The following MYH13 variants were observed in gnomAD, a reference collection of about 807,000 sequenced individuals.
MYH13 encodes the protein myosin heavy chain 13, also known as myosin-13.
MYH13 carries 177 observed loss-of-function variants against 232.1 expected under a neutral mutation model. The observed-to-expected ratio is 0.76, with a 90% CI of 0.67 to 0.86. MYH13 has a LOEUF of 0.86. Among genes scored for constraint, MYH13 ranks in the 40% least tolerant of loss-of-function variants. MYH13 has a pLI of 0.00. For synonymous variants in MYH13, 884 were observed against 923.5 expected, an observed-to-expected ratio of 0.96 and a Z score of 0.78; for missense variants, 2,246 against 2,405.9, an observed-to-expected ratio of 0.93 and a Z score of 1.39.
intron 23 of MYH13, among the ~76,000 whole-genome samples, 167 bp downstream of exon 23, chr17:10,323,855 C>G (rs983599779): frequency 6.1e-5 from 9 of 147,378 alleles, no homozygotes; most frequent in Non-Finnish European, 1.0e-4. Context: ...GAAAAGACAC[C>G]AGAGGACAGA....
Position 10,322,101 on chromosome 17 carries a change from AGAAAATTCACGCCGGGCGCGGT to A in MYH13, c.2935-415_2935-394del, listed in dbSNP as rs1164256055. On this transcript the variant is annotated intron_variant, in intron 23 of 40. Transcript: ENST00000252172. ...GAGGAGAGGCGTGAGGTCCTACGCA[AGAAAATTCACGCCGGGCGCGGT>A]GGCTCACGCCTGTAATCCCAGCACT... Among the ~76,000 whole-genome samples, 15 of 152,306 alleles carry A rather than the reference AGAAAATTCACGCCGGGCGCGGT, an allele frequency of 9.8e-5. No homozygotes were observed. In the East Asian group the frequency reaches 2.9e-3, roughly 29 times the overall value.
chr17:10,330,541 G>A lies in MYH13; in HGVS notation c.2299-18C>T, dbSNP rs1299796546. ...AAAAACACCTGCATTAAAAGACAGA[G>A]GAGCCTTGATCTTTTTCCCCAGCAG... On this transcript the variant is annotated intron_variant, in intron 20 of 40. Transcript: ENST00000252172. The A allele has an allele frequency of 6.3e-7, 1 of 1,594,528 alleles. No individual in the cohort carries two copies. The highest frequency in any genetic ancestry group is 2.3e-5 in the East Asian group (1 of 44,076).
rs922990917 is a variant in MYH13, at chr17:10,306,383, C to T, written c.5466+76G>A. On this transcript the variant is annotated intron_variant, in intron 37 of 40. Transcript: ENST00000252172. The surrounding 1 kb of genome is among the most constrained non-coding windows in gnomAD (Gnocchi z 4.3). ...ATCTATTCATTCAGTGGCCTTTTCC[C>T]ACCATCTCAGTTTCTGGACTGTGGT... 1.9e-6 allele frequency: 3 copies of T among 1,587,662 alleles called. No homozygotes were observed. The South Asian group carries it at 3.4e-5, about 18-fold the overall frequency.
chr17:10,319,738 A>G (rs1021335128), intron 26 of MYH13, among the ~76,000 whole-genome samples: 7 of 152,210 alleles, frequency 4.6e-5, no homozygotes, highest in African/African-American at 1.7e-4. Flanking sequence ...TGATATGCTA[A>G]GAATATGAAG....
At chr17:10,316,075 GC>G in intron 27 of MYH13, 50 bp from the exon 28 acceptor site, 1 of 1,599,838 alleles carries the variant, frequency 6.3e-7, no homozygotes. Context: ...GATTCCTAGT[GC>G]CCAGCATTGA....
In MYH13 at chr17:10,301,573, C is replaced by T. The variant is rs975296784; in HGVS notation, c.5798G>A (p.Ser1933Asn). ...KLRAKSRDVG[S>N]QKMEE Reference sequence around the variant, plus strand: ...ATCTCAGGTACCTGCTCTTACCTGGCTGCCCACGTCTCGGCTCTTGGCCCT... The same window carrying T: ...ATCTCAGGTACCTGCTCTTACCTGGTTGCCCACGTCTCGGCTCTTGGCCCT... Residue 1933 changes from serine to asparagine, a missense_variant, in exon 40 of 41, where the codon AGC (serine) becomes AAC (asparagine). Coordinates refer to ENST00000252172, the MANE Select transcript of MYH13 (RefSeq NM_003802.3). 11 of 1,614,050 alleles carry T rather than the reference C, an allele frequency of 6.8e-6. No individual in the cohort carries two copies. The Admixed American group carries it at 1.7e-4, about 24-fold the overall frequency.
At chr17:10,341,001 T>A (rs2071615666) in intron 16 of MYH13, 1 of 144,842 alleles carries the variant, frequency 6.9e-6, no homozygotes, top group Admixed American at 7.2e-5. Context: ...GATGTCCCTC[T>A]TAATGTTTGT....
chr17:10,309,643 G>T lies in MYH13; in HGVS notation c.4844C>A (p.Ala1615Asp). 6.2e-7 allele frequency: 1 copy of T among 1,612,182 alleles called. No individual in the cohort carries two copies. Among genetic ancestry groups the T allele is most frequent in the Non-Finnish European group, 8.5e-7 (1 of 1,179,178 alleles). ...LDAEIRSRNDALRLKKKMEGD... is the reference protein window; with the variant it reads ...LDAEIRSRNDDLRLKKKMEGD... ...CTCCATCTTCTTCTTTAGCCTCAGG[G>T]CGTCGTTCCGGCTGCGGATTTCAGC... Residue 1615 changes from alanine (A) to aspartate (D), a missense_variant, in exon 34 of 41, where the codon GCC (alanine) becomes GAC (aspartate). Coordinates refer to ENST00000252172, the MANE Select transcript of MYH13 (RefSeq NM_003802.3).
intron 33 of MYH13, 114 bp downstream of exon 33, chr17:10,310,989 C>T: frequency 7.4e-7 from 1 of 1,356,284 alleles, no homozygotes; most frequent in Non-Finnish European, 1.0e-6. Flanking sequence ...GAATGTTACT[C>T]CCAATGGAGA....
At chr17:10,315,297 C>G (rs1022190197) in intron 29 of MYH13, among the ~76,000 whole-genome samples, 21 of 152,036 alleles carry the variant, frequency 1.4e-4, no homozygotes, top group African/African-American at 4.6e-4. Flanking sequence ...CAACAGGTTT[C>G]TTTCTTTCTT....
At position 10,344,127 on chromosome 17, in the gene MYH13, G is replaced by A. The variant is rs759539552; in HGVS notation, c.1585-18C>T. On this transcript the variant is annotated intron_variant, in intron 15 of 40. Transcript: ENST00000252172. ...CCCATAGGCTGGAAAGAGGATAACA[G>A]AGTCTACATATAATAGTGCATACCC... 5.8e-5 allele frequency: 93 copies of A among 1,612,724 alleles called. 2 individuals are homozygous for A. In the South Asian group the frequency reaches 9.7e-4, roughly 17 times the overall value.
rs1395534074 is a variant in MYH13, at chr17:10,311,808, G to A, written c.4531+103C>T. 5 of 1,336,954 alleles carry A rather than the reference G, an allele frequency of 3.7e-6. No individual in the cohort carries two copies. The African/African-American group carries it at 4.3e-5, about 11-fold the overall frequency. 82.8% of individuals were successfully genotyped at this position (1,336,954 alleles called of 1,614,324 possible). A position where few individuals can be genotyped will look rare whatever the true frequency, so the allele number is the denominator to read the frequency against. On this transcript the variant is annotated intron_variant, in intron 32 of 40. Coordinates refer to ENST00000252172, the MANE Select transcript of MYH13 (RefSeq NM_003802.3). ...GGCATGATGGGTGAGGATCGTGTGG[G>A]GCAGTGGGAAGGAGGTGTCTGGAGA...
intron 19 of MYH13, 45 bp from the exon 20 acceptor site, chr17:10,332,267 G>A (rs1232836154): frequency 1.2e-6 from 2 of 1,609,358 alleles, no homozygotes; most frequent in African/African-American, 1.3e-5. Flanking sequence ...ATCCCCGAAA[G>A]GCTTCATAGC....
At chr17:10,317,867 G>A (rs1309520391) in intron 27 of MYH13, 3 of 152,226 alleles carry the variant, frequency 2.0e-5, no homozygotes, top group Admixed American at 2.0e-4. Flanking sequence ...GAGTCTTCAA[G>A]GTAACCTGCG....
chr17:10,315,890 C>T lies in MYH13; in HGVS notation c.3865+9G>A. 6.2e-7 allele frequency: 1 copy of T among 1,613,988 alleles called. No individual in the cohort carries two copies. Among genetic ancestry groups the T allele is most frequent in the Non-Finnish European group, 8.5e-7 (1 of 1,179,904 alleles). ...GCCCGGCTGGACCCAGAGCCCTGCC[C>T]ATTCTCACCATTTTGGGTCTGCAGT... On this transcript the variant is annotated intron_variant, in intron 28 of 40. Transcript: ENST00000252172.
chr17:10,322,685 G>C (rs967644640), intron 23 of MYH13, among the ~76,000 whole-genome samples: 4 of 141,548 alleles, frequency 2.8e-5, no homozygotes, highest in East Asian at 2.2e-4. Flanking sequence ...CCAGGCTGGA[G>C]TGCAGTGGCG....
At chr17:10,348,768 C>T (rs895942438) in intron 12 of MYH13, among the ~76,000 whole-genome samples, 2 of 152,086 alleles carry the variant, frequency 1.3e-5, no homozygotes, top group Non-Finnish European at 2.9e-5. Context: ...TCTGCATGTA[C>T]TTCCCCTGCT....
At position 10,319,062 on chromosome 17, in the gene MYH13, C is replaced by A. The variant is rs1906832805; in HGVS notation, c.3466G>T (p.Glu1156Ter). Residue 1156 changes from glutamate to a stop codon, truncating the protein, a stop_gained, in exon 27 of 41, where the codon GAA (glutamate) becomes TAA (stop). Transcript: ENST00000252172. LOFTEE classifies it high-confidence loss of function. ...ELEEISERLE[E>*]ASGATSAQIE... ...TGGGCTGAAGTGGCCCCACTGGCTT[C>A]TTCCAGCCTCTCGCTGATCTCCTCC... 6.2e-7 allele frequency: 1 copy of A among 1,614,226 alleles called. No individual in the cohort carries two copies. The highest frequency in any genetic ancestry group is 1.1e-5 in the South Asian group (1 of 91,086).
rs886319805 is a variant in MYH13 at position 10,306,165 on chromosome 17, A to T, written c.5466+294T>A. On this transcript the variant is annotated intron_variant, in intron 37 of 40. Transcript: ENST00000252172. This position sits in a 1 kb window ranked among gnomAD's most constrained non-coding sequence, Gnocchi z 4.3. ...AATCTGCATAGCAAATGGAATGTGAACATTAACATACATCATTATATTACA... is the reference window on the plus strand; with the variant it reads ...AATCTGCATAGCAAATGGAATGTGATCATTAACATACATCATTATATTACA... 7.9e-5 allele frequency among the ~76,000 whole-genome samples: 12 copies of T among 151,908 alleles called. No homozygotes were observed. The highest frequency in any genetic ancestry group is 2.0e-4 in the Admixed American group (3 of 15,252).
Sources: gnomAD v4.1 joint callset for allele counts (sites outside exome capture counted in the v4.1 genomes callset) on GRCh38, gnomAD v4.1.1 for gene constraint, Gnocchi (gnomAD v3.1) non-coding constraint, MANE v1.5 for transcripts, NCBI Gene and HGNC (gene_info 2026-07-23, HGNC 2026-07-21) for gene names.